NRG1: variants seen among roughly 807,000 people sequenced by gnomAD.
NRG1 encodes the protein neuregulin 1, also known as pro-neuregulin-1, membrane-bound isoform.
NRG1 carries 18 observed loss-of-function variants against 63.8 expected under a neutral mutation model. That is an observed-to-expected ratio of 0.28 (90% CI 0.19 to 0.42). The LOEUF is 0.42. Among genes scored for constraint, NRG1 ranks in the 10% least tolerant of loss-of-function variants. The pLI, the probability that NRG1 is intolerant of heterozygous loss-of-function variation, is 1.00. For missense variants in NRG1, 762 were observed against 814.7 expected, an observed-to-expected ratio of 0.94 and a Z score of 0.79; for synonymous variants, 302 against 301.3, an observed-to-expected ratio of 1.00 and a Z score of -0.02.
chr8:32,397,348 G>C (rs547549381), intron 1 of NRG1, among the ~76,000 whole-genome samples: 1 of 151,998 alleles, frequency 6.6e-6, no homozygotes, highest in Non-Finnish European at 1.5e-5. Flanking sequence ...TATTTCATGA[G>C]GTTATTGGGA....
At chr8:32,308,047 C>G (rs920815878) in intron 1 of NRG1, among the ~76,000 whole-genome samples, 1 of 152,168 alleles carries the variant, frequency 6.6e-6, no homozygotes, top group East Asian at 1.9e-4. Flanking sequence ...GGGAACCATG[C>G]TCCATTTTCA....
chr8:32,754,300 C>A (rs893847993), intron 7 of NRG1, 72 bp from the exon 8 acceptor site: 4 of 1,255,034 alleles, frequency 3.2e-6, no homozygotes, highest in Non-Finnish European at 4.6e-6. Flanking sequence ...GCAGCATGCC[C>A]ACTGTTTGGT....
intron 1 of NRG1, among the ~76,000 whole-genome samples, chr8:32,304,703 G>A (rs1855992460): frequency 6.6e-6 from 1 of 152,068 alleles, no homozygotes; most frequent in African/African-American, 2.4e-5. Context: ...GTGCCTGTGG[G>A]AGAAGCTAGT....
chr8:32,705,455 C>A (rs952542374), intron 5 of NRG1, among the ~76,000 whole-genome samples: 1 of 152,118 alleles, frequency 6.6e-6, no homozygotes, highest in Non-Finnish European at 1.5e-5. Flanking sequence ...TTTAAGTAGC[C>A]TCTGCTATCC....
intron 1 of NRG1, among the ~76,000 whole-genome samples, chr8:31,803,722 G>A (rs1446510837): frequency 6.6e-6 from 1 of 152,174 alleles, no homozygotes; most frequent in African/African-American, 2.4e-5. Context: ...ATCCTAGAAT[G>A]ACTTCCATTG....
intron 1 of NRG1, among the ~76,000 whole-genome samples, chr8:32,047,556 T>G (rs530339514): frequency 6.6e-6 from 1 of 152,128 alleles, no homozygotes; most frequent in African/African-American, 2.4e-5. Flanking sequence ...TTAAGGAAAT[T>G]TGTTTACCTT....
At chr8:32,457,605 C>T (rs1014020428) in intron 1 of NRG1, among the ~76,000 whole-genome samples, 1 of 152,120 alleles carries the variant, frequency 6.6e-6, no homozygotes, top group Non-Finnish European at 1.5e-5. Context: ...AATGTTTCTA[C>T]TTTAATCTTT....
chr8:31,795,516 C>T (rs1821115964), intron 1 of NRG1, among the ~76,000 whole-genome samples: 1 of 152,070 alleles, frequency 6.6e-6, no homozygotes, highest in African/African-American at 2.4e-5. Flanking sequence ...ACTGCTTCTC[C>T]CTATATTGTC....
At chr8:31,972,478 T>C (rs1035967168) in intron 1 of NRG1, among the ~76,000 whole-genome samples, 3 of 152,310 alleles carry the variant, frequency 2.0e-5, no homozygotes, top group Admixed American at 6.5e-5. Flanking sequence ...ACCTCTCATA[T>C]CTCAGCATCC....
At chr8:31,698,009 A>G (rs992839890) in intron 1 of NRG1, among the ~76,000 whole-genome samples, 3 of 151,982 alleles carry the variant, frequency 2.0e-5, no homozygotes, top group Non-Finnish European at 2.9e-5. Flanking sequence ...TGCCCAAATA[A>G]TTACAGTTTT....
intron 1 of NRG1, among the ~76,000 whole-genome samples, chr8:32,073,206 G>A (rs1256999771): frequency 6.6e-6 from 1 of 152,128 alleles, no homozygotes; most frequent in Non-Finnish European, 1.5e-5. Context: ...TGTCATTACA[G>A]CATTAAGCAG....
At chr8:31,900,721 C>A (rs370234885) in intron 1 of NRG1, among the ~76,000 whole-genome samples, 1 of 152,196 alleles carries the variant, frequency 6.6e-6, no homozygotes, top group African/African-American at 2.4e-5. Flanking sequence ...TAAACTCCCA[C>A]TCCACCCCCT....
At chr8:31,802,875 T>C (rs1204387829) in intron 1 of NRG1, among the ~76,000 whole-genome samples, 1 of 152,230 alleles carries the variant, frequency 6.6e-6, no homozygotes, top group Non-Finnish European at 1.5e-5. Context: ...GATGTTCTGC[T>C]TTTCATATTC....
At chr8:31,680,272 C>G (rs1808184949) in intron 1 of NRG1, among the ~76,000 whole-genome samples, 1 of 150,410 alleles carries the variant, frequency 6.6e-6, no homozygotes, top group Non-Finnish European at 1.5e-5. Context: ...GGTATATCTC[C>G]CAATGCTATC....
intron 5 of NRG1, among the ~76,000 whole-genome samples, chr8:32,653,495 G>A (rs1459701587): frequency 1.3e-5 from 2 of 152,126 alleles, no homozygotes; most frequent in African/African-American, 4.8e-5. Context: ...GCTACCAACA[G>A]GCTGAGTAGC....
At chr8:32,748,335 G>GCACACACA (rs548320218) in intron 7 of NRG1, among the ~76,000 whole-genome samples, 46 of 95,676 alleles carry the variant, frequency 4.8e-4, no homozygotes, top group Middle Eastern at 0.011. Context: ...ACACGCGCGC[G>GCACACACA]CGCGCACACA....
intron 1 of NRG1, among the ~76,000 whole-genome samples, chr8:32,037,476 A>G (rs941045575): frequency 6.6e-6 from 1 of 152,202 alleles, no homozygotes; most frequent in African/African-American, 2.4e-5. Flanking sequence ...TGCACTCAGG[A>G]GAATCCGCCT....
chr8:32,174,411 A>G (rs990353226), intron 1 of NRG1, among the ~76,000 whole-genome samples: 4 of 152,168 alleles, frequency 2.6e-5, no homozygotes, highest in Admixed American at 2.6e-4. Flanking sequence ...CCCTAACATC[A>G]CAATTAAAAG....
At chr8:31,722,005 T>C (rs548434421) in intron 1 of NRG1, among the ~76,000 whole-genome samples, 46 of 152,248 alleles carry the variant, frequency 3.0e-4, no homozygotes, top group African/African-American at 1.1e-3. Flanking sequence ...CTCACTCTTA[T>C]ATCTTTCCAA....
Sources: allele counts gnomAD v4.1 joint callset (sites outside exome capture counted in the v4.1 genomes callset), GRCh38; gene constraint gnomAD v4.1.1; transcripts MANE v1.5; gene names NCBI Gene and HGNC (gene_info 2026-07-23, HGNC 2026-07-21).